The following ULK4 variants were observed in gnomAD, a reference collection of about 807,000 sequenced individuals.
The protein encoded by ULK4 is inactive serine/threonine-protein kinase ULK4.
A neutral mutation model predicts 160.6 loss-of-function variants in ULK4; 133 were observed. That is an observed-to-expected ratio of 0.83 (90% CI 0.72 to 0.96). The LOEUF is 0.96. Ranked by LOEUF, ULK4 falls within the 40% of genes least tolerant of loss-of-function variation. ULK4 has a pLI of 0.00. For synonymous variants in ULK4, 534 were observed against 539.8 expected, an observed-to-expected ratio of 0.99 and a Z score of 0.15; for missense variants, 1,580 against 1,499.5, an observed-to-expected ratio of 1.05 and a Z score of -0.89.
At chr3:41,957,366 A>C (rs768639839) in intron 1 of ULK4, among the ~76,000 whole-genome samples, 16 of 149,438 alleles carry the variant, frequency 1.1e-4, no homozygotes, top group Non-Finnish European at 1.9e-4. Flanking sequence ...AAGGTAGGAG[A>C]ATCACTTGAA....
At chr3:41,533,081 A>G (rs1316668855) in intron 32 of ULK4, among the ~76,000 whole-genome samples, 1 of 152,168 alleles carries the variant, frequency 6.6e-6, no homozygotes, top group Non-Finnish European at 1.5e-5. Flanking sequence ...CCTTGAGTAT[A>G]AGAGATCATG....
chr3:41,747,448 G>A (rs116888971), intron 22 of ULK4, among the ~76,000 whole-genome samples: 1 of 151,818 alleles, frequency 6.6e-6, no homozygotes, highest in South Asian at 2.1e-4. Context: ...CTGTGCCAGA[G>A]ACTTGGAACC....
chr3:41,911,979 C>G (rs1698804594), intron 9 of ULK4, among the ~76,000 whole-genome samples: 1 of 151,890 alleles, frequency 6.6e-6, no homozygotes, highest in Non-Finnish European at 1.5e-5. Context: ...ATAGTGAGAC[C>G]TTGTCTCTAC....
chr3:41,551,002 A>G (rs2087041292), intron 32 of ULK4, among the ~76,000 whole-genome samples: 1 of 152,026 alleles, frequency 6.6e-6, no homozygotes, highest in Admixed American at 6.6e-5. Context: ...ATACAAATAC[A>G]TGGAAACAAA....
intron 18 of ULK4, among the ~76,000 whole-genome samples, chr3:41,835,262 C>A (rs2041720754): frequency 6.6e-6 from 1 of 152,106 alleles, no homozygotes; most frequent in African/African-American, 2.4e-5. Flanking sequence ...TTATAACTTA[C>A]CAGTATTTAT....
chr3:41,900,863 G>A (rs1389842673), intron 12 of ULK4, 34 bp from the exon 13 acceptor site: 7 of 1,508,356 alleles, frequency 4.6e-6, no homozygotes, highest in Non-Finnish European at 4.6e-6. Context: ...CTTTGTTTCT[G>A]CGACTAATGT....
chr3:41,549,909 AAAAAG>A (rs1183581944), intron 32 of ULK4, among the ~76,000 whole-genome samples: 6 of 152,128 alleles, frequency 3.9e-5, no homozygotes, highest in Non-Finnish European at 7.4e-5. Context: ...GCTAAGAAAA[AAAAAG>A]AAAACAACAA....
At chr3:41,644,915 G>C (rs1445235312) in intron 30 of ULK4, among the ~76,000 whole-genome samples, 2 of 151,948 alleles carry the variant, frequency 1.3e-5, no homozygotes, top group Non-Finnish European at 2.9e-5. Context: ...TCCTGGTTTA[G>C]TCTTGGGAGG....
intron 21 of ULK4, among the ~76,000 whole-genome samples, chr3:41,786,613 A>C (rs1209040328): frequency 6.6e-6 from 1 of 151,998 alleles, no homozygotes; most frequent in Non-Finnish European, 1.5e-5. Context: ...AAAAAAAAAA[A>C]AAAAGCAAAT....
At chr3:41,345,828 T>C (rs569124622) in intron 35 of ULK4, among the ~76,000 whole-genome samples, 1 of 152,070 alleles carries the variant, frequency 6.6e-6, no homozygotes, top group African/African-American at 2.4e-5. Context: ...CAAAACAAAG[T>C]CATGAATGCT....
chr3:41,636,803 C>T (rs2033971904), intron 30 of ULK4, among the ~76,000 whole-genome samples: 1 of 138,568 alleles, frequency 7.2e-6, no homozygotes, highest in Non-Finnish European at 1.5e-5. Flanking sequence ...TTTTAAATAA[C>T]ATTTTAATGG....
chr3:41,690,769 G>C (rs766984444), intron 27 of ULK4, among the ~76,000 whole-genome samples: 10 of 151,912 alleles, frequency 6.6e-5, no homozygotes, highest in Non-Finnish European at 1.5e-4. Context: ...AGAAAGGCCA[G>C]GCATATGTTT....
At chr3:41,933,064 G>C (rs1716993) in intron 4 of ULK4, among the ~76,000 whole-genome samples, 111,262 of 152,126 alleles carry the variant, frequency 0.73, 42,285 homozygotes, top group East Asian at 0.83. Context: ...TAAAATAAAG[G>C]CAATGTGAAG....
At chr3:41,626,265 G>GA (rs1450017161) in intron 30 of ULK4, among the ~76,000 whole-genome samples, 4 of 151,918 alleles carry the variant, frequency 2.6e-5, no homozygotes, top group African/African-American at 4.8e-5. Flanking sequence ...CTTAATGTTG[G>GA]AAAAAAATTT....
intron 22 of ULK4, among the ~76,000 whole-genome samples, chr3:41,747,399 C>A (rs1446914260): frequency 6.6e-6 from 1 of 151,832 alleles, no homozygotes; most frequent in Non-Finnish European, 1.5e-5. Context: ...AATGACATGT[C>A]CCAGCCTCAA....
intron 31 of ULK4, among the ~76,000 whole-genome samples, chr3:41,578,158 G>A (rs1430295076): frequency 1.3e-5 from 2 of 152,194 alleles, no homozygotes; most frequent in Non-Finnish European, 2.9e-5. Context: ...TCATCTTACA[G>A]TCAGGGTTGA....
intron 30 of ULK4, among the ~76,000 whole-genome samples, chr3:41,655,495 T>C (rs2034906111): frequency 6.6e-6 from 1 of 152,036 alleles, no homozygotes; most frequent in East Asian, 1.9e-4. Context: ...ATCTGTACGT[T>C]GTGCACATGT....
chr3:41,592,640 A>G (rs188413777), intron 31 of ULK4, among the ~76,000 whole-genome samples: 20 of 152,366 alleles, frequency 1.3e-4, no homozygotes, highest in Admixed American at 6.5e-4. Flanking sequence ...TTATAAATGT[A>G]TAGAGAAGTA....
intron 32 of ULK4, among the ~76,000 whole-genome samples, chr3:41,464,006 T>TA (rs11395404): frequency 0.26 from 37,535 of 144,416 alleles, 4,853 homozygotes; most frequent in East Asian, 0.53. Flanking sequence ...TCAGATGTTC[T>TA]AAAAAAAAAA....
Sources: gnomAD v4.1 joint callset for allele counts (sites outside exome capture counted in the v4.1 genomes callset) on GRCh38, gnomAD v4.1.1 for gene constraint, MANE v1.5 for transcripts, NCBI Gene and HGNC (gene_info 2026-07-23, HGNC 2026-07-21) for gene names.